Variants in PAH observed in about 807,000 individuals in gnomAD.
PAH encodes phenylalanine hydroxylase, also known as phenylalanine-4-hydroxylase.
Under a neutral mutation model 62.0 loss-of-function variants are expected in PAH, and 64 were observed. The observed-to-expected ratio is 1.03, with a 90% CI of 0.84 to 1.27. PAH has a LOEUF of 1.27. PAH is among the 50% of genes most tolerant of loss of function. PAH has a pLI of 0.00. For synonymous variants in PAH, 195 were observed against 196.2 expected, an observed-to-expected ratio of 0.99 and a Z score of 0.05; for missense variants, 579 against 542.8, an observed-to-expected ratio of 1.07 and a Z score of -0.66.
chr12:102,940,032 G>A (rs1349790287), intron 1 of PAH, among the ~76,000 whole-genome samples: 1 of 152,186 alleles, frequency 6.6e-6, no homozygotes. Flanking sequence ...ATGTTTAAGT[G>A]CCATCTACTG....
intron 3 of PAH, among the ~76,000 whole-genome samples, chr12:102,883,296 C>G (rs1876898178): frequency 6.6e-6 from 1 of 152,206 alleles, no homozygotes; most frequent in African/African-American, 2.4e-5. Context: ...TTTCCTTTCT[C>G]CTCCCACCAG....
chr12:102,839,203 A>T lies in PAH; in HGVS notation c.1331T>A (p.Leu444His). The change falls in exon 13 of 13, where the codon CTT becomes CAT. Residue 444 changes from leucine (L) to histidine (H), a missense_variant. By Grantham distance (99) the Leu-to-His change is moderately conservative. Transcript: ENST00000553106. ...ADSINSEIGI[L>H]CSALQKIK is the part of the protein sequence containing the mutation. ...CTTTATTTTCTGGAGGGCACTGCAAAGGATTCCAATTTCACCTACAAAGAA... is the reference window on the plus strand; with the variant it reads ...CTTTATTTTCTGGAGGGCACTGCAATGGATTCCAATTTCACCTACAAAGAA... 1.2e-6 allele frequency: 2 copies of T among 1,613,980 alleles called. No individual in the cohort carries two copies. The highest frequency in any genetic ancestry group is 1.1e-5 in the South Asian group (1 of 91,078).
At chr12:102,888,011 A>G (rs968758634) in intron 3 of PAH, among the ~76,000 whole-genome samples, 1 of 152,186 alleles carries the variant, frequency 6.6e-6, no homozygotes, top group Non-Finnish European at 1.5e-5. Context: ...TTTTGGACTG[A>G]CCCAAATGGC....
chr12:102,869,316 A>G (rs1876201554), intron 4 of PAH, among the ~76,000 whole-genome samples: 1 of 152,210 alleles, frequency 6.6e-6, no homozygotes, highest in African/African-American at 2.4e-5. Context: ...CAATTATGTC[A>G]TATATCAATT....
At chr12:102,884,492 C>T (rs531939616) in intron 3 of PAH, among the ~76,000 whole-genome samples, 73 of 152,310 alleles carry the variant, frequency 4.8e-4, no homozygotes, top group African/African-American at 1.5e-3. Context: ...TCATCTTTCC[C>T]ACCCACACAA....
At chr12:102,916,752 G>GA (rs1878397456) in intron 1 of PAH, among the ~76,000 whole-genome samples, 1 of 152,170 alleles carries the variant, frequency 6.6e-6, no homozygotes, top group Non-Finnish European at 1.5e-5. Flanking sequence ...GTACAGAAGA[G>GA]TAAACAGACA....
chr12:102,938,223 C>T (rs73395411), intron 1 of PAH, among the ~76,000 whole-genome samples: 3,700 of 152,210 alleles, frequency 0.024, 151 homozygotes, highest in African/African-American at 0.085. Flanking sequence ...GGAAAGGGTG[C>T]GTGAGCAAGA....
At chr12:102,870,460 C>T (rs1429813642) in intron 4 of PAH, among the ~76,000 whole-genome samples, 1 of 152,100 alleles carries the variant, frequency 6.6e-6, no homozygotes, top group African/African-American at 2.4e-5. Flanking sequence ...CAGGTAATGT[C>T]GGCAGCACAT....
chr12:102,905,855 C>T lies in PAH; in HGVS notation c.168+6936G>A, dbSNP rs996526050. ...AAAAAAAAAAAAATTCAAGAATAAA[C>T]AAAAATCCAAAACACATGAAAAAAT... On this transcript the variant is annotated intron_variant, in intron 2 of 12. Coordinates refer to ENST00000553106, the MANE Select transcript of PAH (RefSeq NM_000277.3). 2.0e-5 allele frequency among the ~76,000 whole-genome samples: 3 copies of T among 146,358 alleles called. 1 individual carries two copies. The highest frequency in any genetic ancestry group is 1.4e-4 in the Admixed American group (2 of 14,712).
At chr12:102,901,595 T>A (rs776001928) in intron 2 of PAH, among the ~76,000 whole-genome samples, 104 of 151,498 alleles carry the variant, frequency 6.9e-4, no homozygotes, top group Non-Finnish European at 1.2e-3. Flanking sequence ...CAGCTCTTTT[T>A]TTTAATTTTT....
chr12:102,885,430 G>A (rs997091119), intron 3 of PAH, among the ~76,000 whole-genome samples: 1 of 152,202 alleles, frequency 6.6e-6, no homozygotes, highest in Non-Finnish European at 1.5e-5. Flanking sequence ...CCCCTTAACA[G>A]CCTCTCCGGC....
At chr12:102,927,206 G>A (rs994752488) in intron 1 of PAH, among the ~76,000 whole-genome samples, 2 of 151,910 alleles carry the variant, frequency 1.3e-5, no homozygotes, top group Non-Finnish European at 2.9e-5. Context: ...GCTAGGGGAG[G>A]CTGCCAAAAT....
chr12:102,840,332 G>T, intron 12 of PAH, 68 bp downstream of exon 12: 2 of 936,626 alleles, frequency 2.1e-6, no homozygotes, highest in Non-Finnish European at 3.6e-6. Flanking sequence ...TTCCTATGGC[G>T]ATGGTAGGGA....
At chr12:102,866,744 T>C in intron 4 of PAH, 81 bp from the exon 5 acceptor site, 2 of 1,128,564 alleles carry the variant, frequency 1.8e-6, no homozygotes, top group Non-Finnish European at 2.7e-6. Flanking sequence ...GAATGGGGGC[T>C]CTCAAGCCAT....
chr12:102,852,751 C>T lies in PAH; in HGVS notation c.842+64G>A. 4.4e-6 allele frequency: 7 copies of T among 1,609,188 alleles called. 1 individual carries two copies. In the South Asian group the frequency reaches 7.7e-5, roughly 18 times the overall value. On this transcript the variant is annotated intron_variant, in intron 7 of 12. Coordinates refer to ENST00000553106, the MANE Select transcript of PAH (RefSeq NM_000277.3). ...GCCAGCAATGAACCCAAACCTCATT[C>T]TTGCAGCAGGAAAAGATGGCGCTCA...
At chr12:102,868,393 C>T (rs182181022) in intron 4 of PAH, among the ~76,000 whole-genome samples, 1 of 151,748 alleles carries the variant, frequency 6.6e-6, no homozygotes, top group East Asian at 1.9e-4. Context: ...ATAGAAACAT[C>T]CAAATGTTTC....
intron 2 of PAH, among the ~76,000 whole-genome samples, chr12:102,909,299 G>T (rs745568507): frequency 3.9e-5 from 6 of 152,170 alleles, no homozygotes; most frequent in Non-Finnish European, 7.3e-5. Flanking sequence ...GTTATGGATT[G>T]TGTGGAGGAA....
At chr12:102,912,394 A>G (rs113475022) in intron 2 of PAH, among the ~76,000 whole-genome samples, 110 of 152,236 alleles carry the variant, frequency 7.2e-4, no homozygotes, top group African/African-American at 2.5e-3. Context: ...AAAAGAATTA[A>G]TATTTATTTC....
chr12:102,938,758 G>C (rs1879189194), intron 1 of PAH, among the ~76,000 whole-genome samples: 1 of 152,098 alleles, frequency 6.6e-6, no homozygotes, highest in African/African-American at 2.4e-5. Flanking sequence ...CCCAAATACT[G>C]TCTCAAGCCT....
Sources: gnomAD v4.1 joint callset for allele counts (sites outside exome capture counted in the v4.1 genomes callset) on GRCh38, gnomAD v4.1.1 for gene constraint, MANE v1.5 for transcripts, NCBI Gene and HGNC (gene_info 2026-07-23, HGNC 2026-07-21) for gene names.